ZKSCAN5: variants seen among roughly 807,000 people sequenced by gnomAD.
ZKSCAN5 encodes zinc finger protein with KRAB and SCAN domains 5.
A neutral mutation model predicts 60.0 loss-of-function variants in ZKSCAN5; 28 were observed. The observed-to-expected ratio is 0.47, with a 90% confidence interval of 0.35 to 0.64. ZKSCAN5 has a LOEUF of 0.64. ZKSCAN5 is among the 30% of genes least tolerant of loss of function. The pLI is 0.01. For synonymous variants in ZKSCAN5, 361 were observed against 371.2 expected, an observed-to-expected ratio of 0.97 and a Z score of 0.31; for missense variants, 881 against 1,034.6, an observed-to-expected ratio of 0.85 and a Z score of 2.04.
rs1327351022 is a variant in ZKSCAN5, at chr7:99,533,850, C to G, written c.*1601C>G. 12 of 380,082 alleles carry G rather than the reference C, an allele frequency of 3.2e-5. No homozygotes were observed. Among genetic ancestry groups the G allele is most frequent in the African/African-American group, 6.2e-5 (3 of 48,238 alleles). The allele number at this position is 380,082 out of a possible 1,614,324, so 23.5% of individuals were successfully genotyped here. On this transcript the variant is annotated 3_prime_UTR_variant, in exon 7 of 7. Transcript: ENST00000326775. ...TGGTTCTGAATCCCTGTCTCAGGCT[C>G]TGCTTTAGAGAACCTGATCTAAGAC... is the stretch of plus-strand genomic sequence containing the variant.
chr7:99,522,197 C>G lies in ZKSCAN5; in HGVS notation c.772+1893C>G, dbSNP rs971110475. Among the ~76,000 whole-genome samples, 9 of 152,262 alleles carry G rather than the reference C, an allele frequency of 5.9e-5. 1 individual carries two copies. In the Middle Eastern group the frequency reaches 0.01, roughly 173 times the overall value. On this transcript the variant is annotated intron_variant, in intron 5 of 6. Transcript: ENST00000326775. ...AGATTCTTTTCACATCTGCGGATTT[C>G]TATTAATAACAGCATCACCAGAGGT...
intron 3 of ZKSCAN5, among the ~76,000 whole-genome samples, chr7:99,519,390 G>A (rs2151106360): frequency 6.6e-6 from 1 of 150,874 alleles, no homozygotes; most frequent in Non-Finnish European, 1.5e-5. Flanking sequence ...CGATTATCAT[G>A]CCTTATCCTC....
In ZKSCAN5 at chr7:99,511,564, T is replaced by G. The variant is rs542762592; in HGVS notation, c.415-889T>G. 2.6e-5 allele frequency among the ~76,000 whole-genome samples: 4 copies of G among 152,022 alleles called. No individual in the cohort carries two copies. In the East Asian group the frequency reaches 7.8e-4, roughly 30 times the overall value. ...CTCAAGCGATCCTCGCACCTCAGCC[T>G]CCTAAGTAGCTGGGACCACAGGGAC... On this transcript the variant is annotated intron_variant, in intron 2 of 6. Transcript: ENST00000326775.
rs563119831 is a variant in ZKSCAN5, at chr7:99,532,512, C to G, written c.*263C>G. The G allele has an allele frequency of 3.1e-6, 1 of 327,796 alleles. No homozygotes were observed. Among genetic ancestry groups the G allele is most frequent in the African/African-American group, 2.1e-5 (1 of 46,900 alleles). 20.3% of individuals were successfully genotyped at this position (327,796 alleles called of 1,614,324 possible). ...AAGAGAATCCATGGATGGACATGGT[C>G]GAGGAATTCGGAAAGCCTGCAGTTG... On this transcript the variant is annotated 3_prime_UTR_variant, in exon 7 of 7. Coordinates refer to ENST00000326775, the MANE Select transcript of ZKSCAN5 (RefSeq NM_145102.4).
chr7:99,515,427 C>T lies in ZKSCAN5; in HGVS notation c.553+2836C>T, dbSNP rs368071007. ...GTCTCAAAAAAAAAAACAAAAACTG[C>T]TCAGAAAAGAAATGGAAACCACTAG... On this transcript the variant is annotated intron_variant, in intron 3 of 6. Transcript: ENST00000326775. 8.9e-4 allele frequency among the ~76,000 whole-genome samples: 135 copies of T among 151,356 alleles called. 5 individuals carry two copies. In the South Asian group the frequency reaches 0.027, roughly 30 times the overall value.
At position 99,520,251 on chromosome 7, in the gene ZKSCAN5, A is replaced by C. The variant is rs1446060180; in HGVS notation, c.719A>C (p.Lys240Thr). 3 of 1,614,008 alleles carry C rather than the reference A, an allele frequency of 1.9e-6. No homozygotes were observed. The highest frequency in any genetic ancestry group is 2.5e-6 in the Non-Finnish European group (3 of 1,180,032). ...TGGGGGCATTTGGACCAGTCCCAGA[A>C]GTCCCTTTATAGGGATGACAGGAAG... Reference protein sequence around the residue: ...EEWGHLDQSQKSLYRDDRKEN... With the variant: ...EEWGHLDQSQTSLYRDDRKEN... Residue 240 changes from lysine to threonine, a missense_variant, in exon 5 of 7, where the codon AAG (lysine) becomes ACG (threonine). Transcript: ENST00000326775.
chr7:99,507,543 G>GTATATATATGTA (rs1375866013), intron 2 of ZKSCAN5, among the ~76,000 whole-genome samples: 1 of 139,490 alleles, frequency 7.2e-6, no homozygotes, highest in East Asian at 2.0e-4. Flanking sequence ...ATATATATAT[G>GTATATATATGTA]TATATATATG....
chr7:99,528,278 A>T (rs1451507762), intron 6 of ZKSCAN5, among the ~76,000 whole-genome samples: 2 of 152,102 alleles, frequency 1.3e-5, no homozygotes, highest in East Asian at 1.9e-4. Context: ...TGATTCCCTC[A>T]TTTGGAAAAT....
intron 3 of ZKSCAN5, among the ~76,000 whole-genome samples, chr7:99,518,391 A>T (rs1801362107): frequency 6.6e-6 from 1 of 151,918 alleles, no homozygotes; most frequent in Admixed American, 6.6e-5. Flanking sequence ...ACTGCACTCT[A>T]GCCTGGGCCA....
intron 2 of ZKSCAN5, among the ~76,000 whole-genome samples, chr7:99,508,690 A>G (rs1016094109): frequency 1.3e-5 from 2 of 151,056 alleles, no homozygotes; most frequent in African/African-American, 4.9e-5. Flanking sequence ...CAGAGGTTGC[A>G]GTGAGCCGAG....
chr7:99,511,093 G>A (rs754883938), intron 2 of ZKSCAN5, among the ~76,000 whole-genome samples: 5 of 152,090 alleles, frequency 3.3e-5, no homozygotes, highest in South Asian at 2.1e-4. Context: ...CCAGTAGCAG[G>A]AGGATTCGAA....
In ZKSCAN5 at chr7:99,521,952, GTTAC is replaced by G. The variant is rs1801558169; in HGVS notation, c.772+1651_772+1654del. On this transcript the variant is annotated intron_variant, in intron 5 of 6. Coordinates refer to ENST00000326775, the MANE Select transcript of ZKSCAN5 (RefSeq NM_145102.4). ...TGTTACTCTTGCTTTATCTTTTTCAGTTACTTTATAGGTACCTAATGGATTTCAG... is the reference window on the plus strand; with the variant it reads ...TGTTACTCTTGCTTTATCTTTTTCAGTTTATAGGTACCTAATGGATTTCAG... Among the ~76,000 whole-genome samples the G allele has an allele frequency of 1.3e-5, 2 of 152,040 alleles. 1 individual carries two copies. Among genetic ancestry groups the G allele is most frequent in the East Asian group, 3.9e-4 (2 of 5,184 alleles).
Position 99,533,268 on chromosome 7 carries a change from G to A in ZKSCAN5, c.*1019G>A, listed in dbSNP as rs1290996058. 1 of 690,240 alleles carries A rather than the reference G, an allele frequency of 1.4e-6. No individual in the cohort carries two copies. Among genetic ancestry groups the A allele is most frequent in the Non-Finnish European group, 2.6e-6 (1 of 377,506 alleles). The allele number at this position is 690,240 out of a possible 1,614,324, so 42.8% of individuals were successfully genotyped here. A position where few individuals can be genotyped will look rare whatever the true frequency, so the allele number is the denominator to read the frequency against. ...TAATCAGTCGTGAGCAGGCAGGCAG[G>A]AGGTCCTGTTAGCCCTGCCTTCCAG... On this transcript the variant is annotated 3_prime_UTR_variant, in exon 7 of 7. Coordinates refer to ENST00000326775, the MANE Select transcript of ZKSCAN5 (RefSeq NM_145102.4).
intron 6 of ZKSCAN5, among the ~76,000 whole-genome samples, chr7:99,528,322 C>T (rs981690499): frequency 3.3e-5 from 5 of 152,018 alleles, no homozygotes; most frequent in African/African-American, 9.7e-5. Flanking sequence ...AAAAAGCAAT[C>T]GCTTTAAAAT....
intron 5 of ZKSCAN5, among the ~76,000 whole-genome samples, chr7:99,523,275 T>TG (rs1407859083): frequency 1.3e-5 from 2 of 150,852 alleles, no homozygotes; most frequent in Non-Finnish European, 2.9e-5. Context: ...GAGGAAGGAC[T>TG]GACCTTGGCT....
In ZKSCAN5 at chr7:99,533,295, A is replaced by G; in HGVS notation, c.*1046A>G. ...GGTCCTGTTAGCCCTGCCTTCCAGGAAGGTTGGGGTGGGAGTTTTGAGTGG... is the reference window on the plus strand; with the variant it reads ...GGTCCTGTTAGCCCTGCCTTCCAGGGAGGTTGGGGTGGGAGTTTTGAGTGG... On this transcript the variant is annotated 3_prime_UTR_variant, in exon 7 of 7. Transcript: ENST00000326775. The G allele has an allele frequency of 1.5e-6, 1 of 668,850 alleles. No individual in the cohort carries two copies. 41.4% of individuals were successfully genotyped at this position (668,850 alleles called of 1,614,324 possible). A position where few individuals can be genotyped will look rare whatever the true frequency, so the allele number is the denominator to read the frequency against.
At chr7:99,512,020 C>T (rs1302342807) in intron 2 of ZKSCAN5, among the ~76,000 whole-genome samples, 1 of 152,162 alleles carries the variant, frequency 6.6e-6, no homozygotes, top group Non-Finnish European at 1.5e-5. Context: ...TCTTGATCTT[C>T]TGACCTAGTG....
rs917340333 is a variant in ZKSCAN5 at position 99,519,877 on chromosome 7, C to A, written c.604C>A (p.Leu202Met). The A allele has an allele frequency of 7.4e-6, 12 of 1,614,058 alleles. No individual in the cohort carries two copies. The highest frequency in any genetic ancestry group is 1.0e-5 in the Non-Finnish European group (12 of 1,180,046). ...PSLPLKDSQE[L>M]TASLLSTGSQ... ...CCTTCCCCTGAAGGACAGCCAGGAG[C>A]TGACAGCTTCACTTCTCTCAACTGG... The change falls in exon 4 of 7, where the codon CTG becomes ATG. Residue 202 changes from leucine (L) to methionine (M), a missense_variant. By Grantham distance (15) the Leu-to-Met change is conservative (BLOSUM62 2). Around this residue, in one of 5 missense-constraint regions of ZKSCAN5, gnomAD observed 490 missense variants for 554.5 expected, o/e 0.88. Coordinates refer to ENST00000326775, the MANE Select transcript of ZKSCAN5 (RefSeq NM_145102.4).
intron 3 of ZKSCAN5, among the ~76,000 whole-genome samples, chr7:99,515,111 G>A (rs1801205745): frequency 6.6e-6 from 1 of 151,614 alleles, no homozygotes; most frequent in African/African-American, 2.4e-5. Context: ...AAAATTTAAA[G>A]CTGCTCAGAA....
Sources: allele counts gnomAD v4.1 joint callset (sites outside exome capture counted in the v4.1 genomes callset), GRCh38; gene constraint gnomAD v4.1.1; regional missense constraint gnomAD v4.1.1; transcripts MANE v1.5; gene names NCBI Gene and HGNC (gene_info 2026-07-23, HGNC 2026-07-21).